YY1AP1: variants seen among roughly 807,000 people sequenced by gnomAD.
YY1AP1 encodes YY1-associated protein 1.
Under a neutral mutation model 39.9 loss-of-function variants are expected in YY1AP1, and 43 were observed. That is an observed-to-expected ratio of 1.08 (90% CI 0.84 to 1.39). The LOEUF (loss-of-function observed/expected upper bound fraction) is 1.39. YY1AP1 is among the 40% of genes most tolerant of loss of function. The probability of loss-of-function intolerance (pLI) is 0.00; values close to 1 mark genes in which losing one functional copy is unlikely to be tolerated. For synonymous variants in YY1AP1, 292 were observed against 331.3 expected (o/e 0.88, Z 1.29); for missense variants, 813 against 900.7 (o/e 0.90, Z 1.25).
intron 10 of YY1AP1, 153 bp from the exon 11 acceptor site, chr1:155,661,066 C>T (rs920594621): frequency 2.9e-5 from 43 of 1,485,446 alleles, no homozygotes; most frequent in Non-Finnish European, 3.8e-5. Flanking sequence ...TCCAATTATA[C>T]ACTTTAGAAA....
chr1:155,675,323 A>T (rs1044190211), intron 5 of YY1AP1, among the ~76,000 whole-genome samples: 13 of 150,286 alleles, frequency 8.7e-5, no homozygotes, highest in African/African-American at 1.5e-4. Context: ...AATTTATTTT[A>T]TTATTATTAT....
intron 9 of YY1AP1, among the ~76,000 whole-genome samples, chr1:155,666,324 T>C (rs1649004194): frequency 6.6e-6 from 1 of 152,136 alleles, no homozygotes; most frequent in Admixed American, 6.5e-5. Context: ...GGTTTCACCA[T>C]GTTAGCCAGG....
rs550152287 is a variant in YY1AP1, at chr1:155,688,493, C to G, written c.-152+166G>C. 2.8e-5 allele frequency: 44 copies of G among 1,549,044 alleles called. No individual in the cohort carries two copies. In the East Asian group the frequency reaches 6.8e-4, roughly 24 times the overall value. ...GCGCGCACGTCAGCCCGCACGCGTA[C>G]GAGTGTCTACGGGCTCGTCGCTGGC... On this transcript the variant is annotated intron_variant, in intron 1 of 10. Coordinates refer to ENST00000355499, the MANE Select transcript of YY1AP1 (RefSeq NM_139119.3).
rs369669131 is a variant in YY1AP1, at chr1:155,688,081, G to A, written c.-31C>T. On this transcript the variant is annotated 5_prime_UTR_variant, in exon 2 of 11. Coordinates refer to ENST00000355499, the MANE Select transcript of YY1AP1 (RefSeq NM_139119.3). ...AATCGTTCTACTCACCGTGTCGGAGGCCGAGAGCGATGAGAGTACAGGGAA... is the reference window on the plus strand; with the variant it reads ...AATCGTTCTACTCACCGTGTCGGAGACCGAGAGCGATGAGAGTACAGGGAA... 2.3e-5 allele frequency: 36 copies of A among 1,588,334 alleles called. No individual in the cohort carries two copies. The highest frequency in any genetic ancestry group is 4.5e-5 in the East Asian group (2 of 44,442).
chr1:155,683,659 A>AC (rs1409072703), intron 2 of YY1AP1, among the ~76,000 whole-genome samples: 15 of 152,194 alleles, frequency 9.9e-5, no homozygotes, highest in African/African-American at 3.6e-4. Flanking sequence ...CCATCTCAAA[A>AC]AAAACAAAAC....
rs780871851 is a variant in YY1AP1, at chr1:155,670,403, G to A, written c.645C>T (p.Phe215=). The part of the protein sequence containing the change: ...VAWILATSKV[F]MYPELLPVCS... The stretch of plus-strand genomic sequence containing the variant: ...ACACTGGAAGTAACTCTGGATACAT[G>A]AAAACCTTGCTTGTGGCCAGGATCC... The change falls in exon 8 of 11, where the codon TTC becomes TTT. Residue 215 remains phenylalanine, a synonymous_variant. Transcript: ENST00000355499. The A allele has an allele frequency of 3.7e-6, 6 of 1,614,050 alleles. 1 individual carries two copies. In the South Asian group the frequency reaches 5.5e-5, roughly 15 times the overall value.
Position 155,688,674 on chromosome 1 carries a change from C to A in YY1AP1, c.-167G>T. 1 of 1,532,268 alleles carries A rather than the reference C, an allele frequency of 6.5e-7. No homozygotes were observed. Among genetic ancestry groups the A allele is most frequent in the South Asian group, 1.2e-5 (1 of 83,180 alleles). The allele number at this position is 1,532,268 out of a possible 1,614,324, so 94.9% of individuals were successfully genotyped here. A position where few individuals can be genotyped will look rare whatever the true frequency, so the allele number is the denominator to read the frequency against. ...TCACGCGTACCTTCAGCGGCGCGAG[C>A]CCAAGCCTTCTCCACCTCCTCTTCT... On this transcript the variant is annotated 5_prime_UTR_variant, in exon 1 of 11. Coordinates refer to ENST00000355499, the MANE Select transcript of YY1AP1 (RefSeq NM_139119.3).
At chr1:155,677,195 A>C (rs964402769) in intron 4 of YY1AP1, among the ~76,000 whole-genome samples, 51 of 152,320 alleles carry the variant, frequency 3.3e-4, no homozygotes, top group Non-Finnish European at 1.3e-4. Context: ...AACAAGTCAA[A>C]GACTTTCTAG....
At chr1:155,680,385 C>G (rs1172679147) in intron 3 of YY1AP1, 31 bp downstream of exon 3, 1 of 1,612,202 alleles carries the variant, frequency 6.2e-7, no homozygotes, top group South Asian at 1.1e-5. Flanking sequence ...AACTTACAAT[C>G]CCATGTTCTC....
rs759720641 is a variant in YY1AP1, at chr1:155,659,992, C to G, written c.1918G>C (p.Asp640His). 3 of 1,614,080 alleles carry G rather than the reference C, an allele frequency of 1.9e-6. No homozygotes were observed. Among genetic ancestry groups the G allele is most frequent in the Non-Finnish European group, 2.5e-6 (3 of 1,180,058 alleles). Reference sequence around the variant, plus strand: ...CCATCAGCCACAGCACAAGCAATGTCCACATTCATGTGGGCCTTATCTTCA... The same window carrying G: ...CCATCAGCCACAGCACAAGCAATGTGCACATTCATGTGGGCCTTATCTTCA... The part of the protein sequence containing the change: ...TPEDKAHMNV[D>H]IACAVADGEN... The change falls in exon 11 of 11, where the codon GAC becomes CAC. Residue 640 changes from aspartate (D) to histidine (H), a missense_variant. Asp to His is a moderately conservative substitution (Grantham distance 81, BLOSUM62 -1). Around this residue, in one of 3 missense-constraint regions of YY1AP1, gnomAD observed 586 missense variants for 647.4 expected, o/e 0.91. Coordinates refer to ENST00000355499, the MANE Select transcript of YY1AP1 (RefSeq NM_139119.3).
chr1:155,663,366 T>C (rs1648464367), intron 9 of YY1AP1, among the ~76,000 whole-genome samples: 2 of 105,982 alleles, frequency 1.9e-5, no homozygotes, highest in South Asian at 3.0e-4. Context: ...TGAGACTCCA[T>C]CTCAAAAAAA....
chr1:155,660,767 T>C lies in YY1AP1; in HGVS notation c.1143A>G (p.Pro381=), dbSNP rs1426341117. The C allele has an allele frequency of 3.7e-6, 6 of 1,614,112 alleles. No individual in the cohort carries two copies. Among genetic ancestry groups the C allele is most frequent in the South Asian group, 1.1e-5 (1 of 91,086 alleles). Reference sequence around the variant, plus strand: ...GGACTACACCCTTAGGCAATAGCAGTGGGTACCGAGTTTCACTCCCCAACT... The same window carrying C: ...GGACTACACCCTTAGGCAATAGCAGCGGGTACCGAGTTTCACTCCCCAACT... ...NSELGSETRY[P]LLLPKGVVLK... The change falls in exon 11 of 11, where the codon CCA becomes CCG. Residue 381 remains proline (P), a synonymous_variant. Transcript: ENST00000355499.
chr1:155,676,624 G>A lies in YY1AP1; in HGVS notation c.248C>T (p.Pro83Leu), dbSNP rs1650732150. The change falls in exon 5 of 11, where the codon CCC becomes CTC. Residue 83 changes from proline (P) to leucine (L), a missense_variant. Coordinates refer to ENST00000355499, the MANE Select transcript of YY1AP1 (RefSeq NM_139119.3). ...GGTCTGATGAACTTCCTTACACTGGGGTTTAACCTTCTCTACCTCCTTCTG... is the reference window on the plus strand; with the variant it reads ...GGTCTGATGAACTTCCTTACACTGGAGTTTAACCTTCTCTACCTCCTTCTG... ...KQQKEVEKVKPQCKEVHQTLI... is the reference protein window; with the variant it reads ...KQQKEVEKVKLQCKEVHQTLI... 9 of 1,613,954 alleles carry A rather than the reference G, an allele frequency of 5.6e-6. No individual in the cohort carries two copies. The highest frequency in any genetic ancestry group is 1.7e-5 in the Admixed American group (1 of 59,988).
chr1:155,663,637 T>C (rs1037023233), intron 9 of YY1AP1, among the ~76,000 whole-genome samples: 2 of 151,860 alleles, frequency 1.3e-5, no homozygotes, highest in African/African-American at 4.8e-5. Context: ...GACAATTGCT[T>C]GAACCTGGGA....
intron 2 of YY1AP1, among the ~76,000 whole-genome samples, chr1:155,687,636 C>T (rs1652664060): frequency 6.8e-6 from 1 of 145,988 alleles, no homozygotes; most frequent in South Asian, 2.1e-4. Flanking sequence ...CTGAGATCAT[C>T]CTGTCGTTCC....
At chr1:155,687,936 C>A (rs1289971120) in intron 2 of YY1AP1, 135 bp downstream of exon 2, 50 of 1,040,742 alleles carry the variant, frequency 4.8e-5, no homozygotes, top group Non-Finnish European at 6.1e-5. Flanking sequence ...CCTCCCTGCT[C>A]TCCCCTCCCC....
Position 155,660,176 on chromosome 1 carries a change from A to G in YY1AP1, c.1734T>C (p.Asn578=). The change falls in exon 11 of 11, where the codon AAT becomes AAC. Residue 578 remains asparagine (N), a synonymous_variant. Transcript: ENST00000355499. ...TCTGGGGACTCTGGGCCACAGCCGCATTGACAGGCTGGATCATGTTACAGC... is the reference window on the plus strand; with the variant it reads ...TCTGGGGACTCTGGGCCACAGCCGCGTTGACAGGCTGGATCATGTTACAGC... ...GGGCNMIQPV[N]AAVAQSPQTI... is the part of the protein sequence containing the mutation. The G allele has an allele frequency of 3.7e-6, 6 of 1,614,196 alleles. No homozygotes were observed. Among genetic ancestry groups the G allele is most frequent in the Non-Finnish European group, 5.1e-6 (6 of 1,180,032 alleles).
At chr1:155,685,884 A>G (rs2149076275) in intron 2 of YY1AP1, among the ~76,000 whole-genome samples, 1 of 152,280 alleles carries the variant, frequency 6.6e-6, no homozygotes, top group East Asian at 1.9e-4. Context: ...AGTGACCCCA[A>G]AAAACTTTTA....
intron 3 of YY1AP1, 70 bp from the exon 4 acceptor site, chr1:155,679,582 G>A (rs1301652690): frequency 1.2e-6 from 2 of 1,611,416 alleles, no homozygotes; most frequent in Admixed American, 1.7e-5. Context: ...TGTTGGGAAG[G>A]AAAAGTGAAA....
Sources: gnomAD v4.1 joint callset for allele counts (sites outside exome capture counted in the v4.1 genomes callset) on GRCh38, gnomAD v4.1.1 for gene constraint, gnomAD v4.1.1 regional missense constraint, MANE v1.5 for transcripts, NCBI Gene and HGNC (gene_info 2026-07-23, HGNC 2026-07-21) for gene names.